The following CACNA2D3 variants were observed in gnomAD, a reference collection of about 807,000 sequenced individuals.
CACNA2D3 encodes voltage-dependent calcium channel subunit alpha-2/delta-3.
A neutral mutation model predicts 160.6 loss-of-function variants in CACNA2D3; 60 were observed. That is an observed-to-expected ratio of 0.37 (90% confidence interval 0.30 to 0.46). The LOEUF is 0.46. Ranked by LOEUF, CACNA2D3 falls within the 20% of genes least tolerant of loss-of-function variation. The probability of loss-of-function intolerance (pLI) is 1.00; values close to 1 mark genes in which losing one functional copy is unlikely to be tolerated. For synonymous variants in CACNA2D3, 558 were observed against 492.9 expected (o/e 1.13, Z -1.75); for missense variants, 1,205 against 1,365.0 (o/e 0.88, Z 1.85).
intron 11 of CACNA2D3, among the ~76,000 whole-genome samples, chr3:54,728,239 C>T (rs544776921): frequency 1.3e-5 from 2 of 152,122 alleles, no homozygotes; most frequent in Non-Finnish European, 2.9e-5. Flanking sequence ...TTGACCAGAT[C>T]CCATATTTAT....
chr3:54,506,481 T>C (rs891517999), intron 5 of CACNA2D3, among the ~76,000 whole-genome samples: 5 of 152,326 alleles, frequency 3.3e-5, no homozygotes, highest in South Asian at 4.1e-4. Context: ...CTCTACCTGC[T>C]TTCTACAATC....
intron 4 of CACNA2D3, among the ~76,000 whole-genome samples, chr3:54,468,910 A>G (rs1700678480): frequency 6.6e-6 from 1 of 152,154 alleles, no homozygotes; most frequent in Non-Finnish European, 1.5e-5. Flanking sequence ...CTCTGAAAGA[A>G]AGGCAGCAGC....
intron 13 of CACNA2D3, among the ~76,000 whole-genome samples, chr3:54,798,535 C>G (rs1427467567): frequency 1.3e-5 from 2 of 151,768 alleles, no homozygotes; most frequent in Admixed American, 6.6e-5. Context: ...GACTCCATCT[C>G]AAAAAAAAGA....
chr3:54,434,707 G>T (rs1351078038), intron 4 of CACNA2D3, among the ~76,000 whole-genome samples: 1 of 152,212 alleles, frequency 6.6e-6, no homozygotes, highest in Non-Finnish European at 1.5e-5. Context: ...CCAACCAGGA[G>T]GGTCTCCATC....
At chr3:55,010,339 C>G (rs925225846) in intron 34 of CACNA2D3, among the ~76,000 whole-genome samples, 2 of 152,020 alleles carry the variant, frequency 1.3e-5, no homozygotes, top group Non-Finnish European at 2.9e-5. Context: ...TCGAGACATG[C>G]AGTTGACCCG....
intron 20 of CACNA2D3, 117 bp from the exon 21 acceptor site, chr3:54,880,679 A>T: frequency 1.1e-6 from 1 of 924,914 alleles, no homozygotes; most frequent in Non-Finnish European, 1.8e-6. Context: ...AGTTGGAAAA[A>T]TTGTTGACAG....
chr3:54,874,237 T>C (rs1454384611), intron 18 of CACNA2D3, among the ~76,000 whole-genome samples: 3 of 152,218 alleles, frequency 2.0e-5, no homozygotes. Context: ...TATAGCAGTA[T>C]GAGCAGGACT....
At chr3:54,285,547 T>G (rs1702993841) in intron 2 of CACNA2D3, among the ~76,000 whole-genome samples, 1 of 152,206 alleles carries the variant, frequency 6.6e-6, no homozygotes, top group Admixed American at 6.5e-5. Flanking sequence ...CTCTGCAGAC[T>G]TAAATGTCCC....
intron 3 of CACNA2D3, among the ~76,000 whole-genome samples, chr3:54,365,643 C>A (rs374654654): frequency 6.6e-6 from 1 of 152,144 alleles, no homozygotes; most frequent in Non-Finnish European, 1.5e-5. Flanking sequence ...GTGGGCAGAT[C>A]ACCTGAGATT....
chr3:54,914,580 A>G (rs1700622166), intron 27 of CACNA2D3, among the ~76,000 whole-genome samples: 1 of 152,222 alleles, frequency 6.6e-6, no homozygotes, highest in African/African-American at 2.4e-5. Flanking sequence ...GGGATTATAT[A>G]TCAGTAAAAA....
In CACNA2D3 at chr3:54,440,782, CA is replaced by C. The variant is rs1700132035; in HGVS notation, c.381+54009del. On this transcript the variant is annotated intron_variant, in intron 4 of 37. Transcript: ENST00000474759. The stretch of plus-strand genomic sequence containing the variant: ...ATAGTTTGCTGAGAATGATGGTTTC[CA>C]GCTTCATCCATGTCCCTACAAAGGA... Among the ~76,000 whole-genome samples, 3 of 152,020 alleles carry C rather than the reference CA, an allele frequency of 2.0e-5. No individual in the cohort carries two copies. In the South Asian group the frequency reaches 6.2e-4, roughly 32 times the overall value.
In CACNA2D3 at chr3:54,537,527, CAG is replaced by C. The variant is rs1701908232; in HGVS notation, c.545-25271_545-25270del. On this transcript the variant is annotated intron_variant, in intron 5 of 37. Transcript: ENST00000474759. ...CAGCTCCACCATGGTTGTATCCAAA[CAG>C]AATAATGGCAGCAATTATGTTTTGA... Among the ~76,000 whole-genome samples the C allele has an allele frequency of 2.0e-5, 3 of 152,076 alleles. No individual in the cohort carries two copies. The South Asian group carries it at 6.2e-4, about 32-fold the overall frequency.
chr3:54,651,523 G>C (rs1699763921), intron 11 of CACNA2D3, among the ~76,000 whole-genome samples: 1 of 152,094 alleles, frequency 6.6e-6, no homozygotes, highest in Non-Finnish European at 1.5e-5. Flanking sequence ...ACTGCAAGGA[G>C]GGCAGAAGCA....
At chr3:54,437,565 G>A (rs1249308952) in intron 4 of CACNA2D3, among the ~76,000 whole-genome samples, 1 of 152,180 alleles carries the variant, frequency 6.6e-6, no homozygotes, top group Non-Finnish European at 1.5e-5. Flanking sequence ...CTGCATTATG[G>A]TAGGCCTTCA....
chr3:54,159,124 T>A (rs1700296608), intron 2 of CACNA2D3, among the ~76,000 whole-genome samples: 1 of 152,248 alleles, frequency 6.6e-6, no homozygotes, highest in South Asian at 2.1e-4. Context: ...CTGGATCATT[T>A]ATTTTCTGTT....
At chr3:54,592,979 G>C (rs550620468) in intron 9 of CACNA2D3, among the ~76,000 whole-genome samples, 11 of 152,266 alleles carry the variant, frequency 7.2e-5, no homozygotes, top group Admixed American at 1.3e-4. Context: ...GAGTGATACT[G>C]GGGTGAGGGG....
At chr3:54,549,669 C>T (rs1702124130) in intron 5 of CACNA2D3, among the ~76,000 whole-genome samples, 1 of 152,212 alleles carries the variant, frequency 6.6e-6, no homozygotes, top group Non-Finnish European at 1.5e-5. Flanking sequence ...TTTCTTTGTC[C>T]AGTCTGCGGC....
chr3:54,871,255 T>G (rs1699528435), intron 17 of CACNA2D3, among the ~76,000 whole-genome samples: 1 of 151,766 alleles, frequency 6.6e-6, no homozygotes, highest in African/African-American at 2.4e-5. Flanking sequence ...AGATTTTCCT[T>G]TGCATCTGGT....
chr3:54,743,970 G>A (rs1393162983), intron 11 of CACNA2D3, among the ~76,000 whole-genome samples: 2 of 152,172 alleles, frequency 1.3e-5, no homozygotes, highest in South Asian at 2.1e-4. Flanking sequence ...TACAGACTCA[G>A]TTCTGTCTGT....
Sources: allele counts gnomAD v4.1 joint callset (sites outside exome capture counted in the v4.1 genomes callset), GRCh38; gene constraint gnomAD v4.1.1; transcripts MANE v1.5; gene names NCBI Gene and HGNC (gene_info 2026-07-23, HGNC 2026-07-21).